Variants in ABCB5 observed in about 807,000 individuals in gnomAD.
The protein encoded by ABCB5 is ATP-binding cassette sub-family B member 5.
ABCB5 carries 155 observed loss-of-function variants against 144.2 expected under a neutral mutation model. The observed-to-expected ratio is 1.08, with a 90% CI of 0.94 to 1.23. The LOEUF (loss-of-function observed/expected upper bound fraction) is 1.23, where lower values mean the gene tolerates loss of function less well. Ranked by LOEUF, ABCB5 falls within the 50% of genes most tolerant of loss-of-function variation. ABCB5 has a pLI of 0.00. For synonymous variants in ABCB5, 610 were observed against 528.6 expected (o/e 1.15, Z -2.11); for missense variants, 1,830 against 1,520.8 (o/e 1.20, Z -3.38).
At chr7:20,718,097 G>C (rs909108651) in intron 20 of ABCB5, among the ~76,000 whole-genome samples, 5 of 149,678 alleles carry the variant, frequency 3.3e-5, no homozygotes, top group African/African-American at 1.2e-4. Context: ...TTTTAGTAGA[G>C]ACGGGGTTTC....
chr7:20,701,374 G>A (rs1786621869), intron 19 of ABCB5, among the ~76,000 whole-genome samples: 1 of 151,888 alleles, frequency 6.6e-6, no homozygotes, highest in Non-Finnish European at 1.5e-5. Context: ...CTTTTTCCCT[G>A]TTCAAATAAA....
In ABCB5 at chr7:20,723,250, C is replaced by T. The variant is rs749611696; in HGVS notation, c.2625+31C>T. 4 of 1,601,132 alleles carry T rather than the reference C, an allele frequency of 2.5e-6. No individual in the cohort carries two copies. The Admixed American group carries it at 5.0e-5, about 20-fold the overall frequency. On this transcript the variant is annotated intron_variant, in intron 21 of 27. Coordinates refer to ENST00000404938, the MANE Select transcript of ABCB5 (RefSeq NM_001163941.2). ...ATGAAGACTGTTATCACCATCGTAA[C>T]ATTTAAAGAGAAAAACAGTCAGAAC... is the stretch of plus-strand genomic sequence containing the variant.
chr7:20,690,137 CT>C (rs539073430), intron 16 of ABCB5, among the ~76,000 whole-genome samples: 17 of 152,300 alleles, frequency 1.1e-4, no homozygotes, highest in African/African-American at 3.1e-4. Flanking sequence ...AAAATCACAA[CT>C]TTTTCCCCCC....
intron 5 of ABCB5, among the ~76,000 whole-genome samples, chr7:20,638,771 G>T (rs2893005): frequency 0.23 from 34,977 of 152,030 alleles, 4,593 homozygotes; most frequent in African/African-American, 0.36. Context: ...CTGATGGACA[G>T]TTGGATTGTT....
chr7:20,616,317 T>G (rs905254082), intron 1 of ABCB5, among the ~76,000 whole-genome samples: 1 of 152,220 alleles, frequency 6.6e-6, no homozygotes, highest in Admixed American at 6.5e-5. Flanking sequence ...ATTACAGGCA[T>G]GAGCCACTGC....
intron 1 of ABCB5, among the ~76,000 whole-genome samples, chr7:20,617,626 G>A (rs938550316): frequency 2.0e-5 from 3 of 152,228 alleles, no homozygotes; most frequent in African/African-American, 7.2e-5. Context: ...TTGTTAAAAT[G>A]CAGATTCTAT....
At chr7:20,660,308 G>C in intron 14 of ABCB5, 2 of 984,832 alleles carry the variant, frequency 2.0e-6, no homozygotes, top group Non-Finnish European at 2.4e-6. Flanking sequence ...ATAATTATGG[G>C]GGAATTTAAC....
intron 20 of ABCB5, among the ~76,000 whole-genome samples, chr7:20,721,849 A>C (rs997575280): frequency 1.3e-5 from 2 of 152,204 alleles, no homozygotes; most frequent in African/African-American, 4.8e-5. Flanking sequence ...ACCTAAGCTA[A>C]AGTATAGCAT....
At chr7:20,705,794 C>A (rs1048563088) in intron 20 of ABCB5, among the ~76,000 whole-genome samples, 1 of 151,048 alleles carries the variant, frequency 6.6e-6, no homozygotes, top group African/African-American at 2.4e-5. Flanking sequence ...ATATGGCAAC[C>A]GTTCTAAGTT....
At chr7:20,659,828 C>T (rs543102740) in intron 14 of ABCB5, 4 of 917,216 alleles carry the variant, frequency 4.4e-6, no homozygotes, top group Non-Finnish European at 5.2e-6. Context: ...GGAGTACAGG[C>T]GTGCATCACC....
At chr7:20,671,629 A>G (rs1785461972) in intron 14 of ABCB5, among the ~76,000 whole-genome samples, 1 of 152,226 alleles carries the variant, frequency 6.6e-6, no homozygotes. Flanking sequence ...AGACTCATCC[A>G]TGTTGTAGAA....
chr7:20,743,010 G>A lies in ABCB5; in HGVS notation c.3158G>A (p.Gly1053Asp). The A allele has an allele frequency of 6.2e-7, 1 of 1,614,174 alleles. No individual in the cohort carries two copies. The highest frequency in any genetic ancestry group is 8.5e-7 in the Non-Finnish European group (1 of 1,180,016). Residue 1053 changes from glycine to aspartate, a missense_variant, in exon 25 of 28, where the codon GGC (glycine) becomes GAC (aspartate). Physicochemically the swap from Gly to Asp is moderately conservative, Grantham distance 94 (BLOSUM62 -1). Transcript: ENST00000404938. ...ACAGTAGCATTTGTGGGGAGCAGCG[G>A]CTGTGGGAAAAGCACTTCTGTTCAA... Reference protein sequence around the residue: ...GKTVAFVGSSGCGKSTSVQLL... With the variant: ...GKTVAFVGSSDCGKSTSVQLL...
intron 23 of ABCB5, among the ~76,000 whole-genome samples, chr7:20,731,369 A>AAAAAAAAAAAAAAATATATAT (rs57305244): frequency 8.1e-6 from 1 of 123,066 alleles, no homozygotes; most frequent in African/African-American, 3.3e-5. Flanking sequence ...AAAAAAAAAA[A>AAAAAAAAAAAAAAATATATAT]ATATATATAT....
In ABCB5 at chr7:20,756,185, T is replaced by A. The variant is rs1783081201; in HGVS notation, c.*561T>A. The A allele has an allele frequency of 6.5e-6, 1 of 152,698 alleles. No homozygotes were observed. The highest frequency in any genetic ancestry group is 1.5e-5 in the Non-Finnish European group (1 of 68,336). The allele number at this position is 152,698 out of a possible 1,614,324, so 9.5% of individuals were successfully genotyped here. On this transcript the variant is annotated 3_prime_UTR_variant, in exon 28 of 28. Coordinates refer to ENST00000404938, the MANE Select transcript of ABCB5 (RefSeq NM_001163941.2). ...TTTGTTGAGCAGGGAATAGAAAGGA[T>A]TACGATGTAAAATTTCTGGGAGGAT...
At position 20,681,637 on chromosome 7, in the gene ABCB5, G is replaced by T. The variant is rs140251822; in HGVS notation, c.1840G>T (p.Gly614Cys). Residue 614 changes from glycine (G) to cysteine (C), a missense_variant, in exon 15 of 28, where the codon GGT (glycine) becomes TGT (cysteine). By Grantham distance (159) the Gly-to-Cys change is radical (BLOSUM62 -3). Coordinates refer to ENST00000404938, the MANE Select transcript of ABCB5 (RefSeq NM_001163941.2). ...GAHAELMAKRGLYYSLVMSQD... is the reference protein window; with the variant it reads ...GAHAELMAKRCLYYSLVMSQD... ...ACATGCTGAACTAATGGCAAAACGA[G>T]GTCTATATTATTCACTTGTGATGTC... 6.2e-7 allele frequency: 1 copy of T among 1,614,030 alleles called. No individual in the cohort carries two copies. Among genetic ancestry groups the T allele is most frequent in the Non-Finnish European group, 8.5e-7 (1 of 1,179,998 alleles).
intron 2 of ABCB5, among the ~76,000 whole-genome samples, chr7:20,624,394 A>G (rs1201669143): frequency 6.6e-6 from 1 of 152,192 alleles, no homozygotes. Context: ...ATAATAATAC[A>G]CTACAGACCT....
intron 7 of ABCB5, among the ~76,000 whole-genome samples, chr7:20,644,754 C>T (rs189431140): frequency 1.7e-3 from 259 of 152,308 alleles, no homozygotes; most frequent in Middle Eastern, 3.4e-3. Flanking sequence ...AGTTTATTTA[C>T]TAACAATATA....
At chr7:20,661,725 G>T (rs763351451) in intron 14 of ABCB5, among the ~76,000 whole-genome samples, 13 of 151,708 alleles carry the variant, frequency 8.6e-5, no homozygotes, top group Non-Finnish European at 1.9e-4. Context: ...AGTAGAGACA[G>T]GGTTTCACCA....
At chr7:20,679,486 A>AAAAAAAT in intron 14 of ABCB5, among the ~76,000 whole-genome samples, 1 of 142,082 alleles carries the variant, frequency 7.0e-6, no homozygotes. Flanking sequence ...AAAAAAAAAA[A>AAAAAAAT]GAGAGAGAGA....
Sources: gnomAD v4.1 joint callset for allele counts (sites outside exome capture counted in the v4.1 genomes callset) on GRCh38, gnomAD v4.1.1 for gene constraint, MANE v1.5 for transcripts, NCBI Gene and HGNC (gene_info 2026-07-23, HGNC 2026-07-21) for gene names.